The following METTL15 variants were observed in gnomAD, a reference collection of about 807,000 sequenced individuals.
METTL15 encodes methyltransferase 15, mitochondrial 12S rRNA N4-cytidine.
Under a neutral mutation model 38.3 loss-of-function variants are expected in METTL15, and 34 were observed. That is an observed-to-expected ratio of 0.89 (90% CI 0.68 to 1.18). The LOEUF (loss-of-function observed/expected upper bound fraction) is 1.18. Among genes scored for constraint, METTL15 ranks in the 50% most tolerant of loss-of-function variants. The pLI, the probability that METTL15 is intolerant of heterozygous loss-of-function variation, is 0.00. For synonymous variants in METTL15, 162 were observed against 170.9 expected, an observed-to-expected ratio of 0.95 and a Z score of 0.41; for missense variants, 438 against 498.4, an observed-to-expected ratio of 0.88 and a Z score of 1.15.
intron 5 of METTL15, among the ~76,000 whole-genome samples, chr11:28,377,773 TC>T (rs1379409108): frequency 6.6e-6 from 1 of 151,326 alleles, no homozygotes; most frequent in African/African-American, 2.4e-5. Context: ...TTCTGTTTTT[TC>T]CCCATCTTTG....
intron 5 of METTL15, among the ~76,000 whole-genome samples, chr11:28,387,728 C>G (rs1850455122): frequency 6.6e-6 from 1 of 152,028 alleles, no homozygotes; most frequent in African/African-American, 2.4e-5. Context: ...CAGAATCAGA[C>G]AAAGATGCTG....
chr11:28,452,901 G>T lies in METTL15; in HGVS notation c.*424+28537G>T, dbSNP rs115280699. The stretch of plus-strand genomic sequence containing the variant: ...GTAGTGGAGCCTTTTGGTGAATGTT[G>T]ATGTGAAACACAAATGTTATACTTG... On this transcript the variant is annotated intron_variant and NMD_transcript_variant, in intron 6 of 7. Transcript: ENST00000532947. 5.7e-3 allele frequency among the ~76,000 whole-genome samples: 874 copies of T among 152,254 alleles called. 4 individuals are homozygous for T. Among genetic ancestry groups the T allele is most frequent in the African/African-American group, 0.02 (839 of 41,544 alleles).
chr11:28,288,131 C>T (rs373267813), intron 4 of METTL15, among the ~76,000 whole-genome samples: 108 of 152,214 alleles, frequency 7.1e-4, no homozygotes, highest in African/African-American at 2.3e-3. Flanking sequence ...CTCACACCAT[C>T]CAGAATGGCT....
chr11:28,362,596 T>C (rs1850149397), intron 5 of METTL15, among the ~76,000 whole-genome samples: 1 of 152,250 alleles, frequency 6.6e-6, no homozygotes. Flanking sequence ...TATTTGGCTC[T>C]GTGTTTTTGC....
At chr11:28,428,320 G>A (rs943001234) in intron 6 of METTL15, among the ~76,000 whole-genome samples, 6 of 152,120 alleles carry the variant, frequency 3.9e-5, no homozygotes, top group Admixed American at 3.3e-4. Flanking sequence ...CATAGAAAAG[G>A]TACAGTAAAA....
chr11:28,521,625 C>A (rs574054322), intron 6 of METTL15, among the ~76,000 whole-genome samples: 1 of 152,074 alleles, frequency 6.6e-6, no homozygotes, highest in Non-Finnish European at 1.5e-5. Context: ...TAAACTCCAG[C>A]GCTGACCTTG....
chr11:28,204,581 T>G (rs1852244169), intron 3 of METTL15, among the ~76,000 whole-genome samples: 1 of 151,740 alleles, frequency 6.6e-6, no homozygotes, highest in Non-Finnish European at 1.5e-5. Flanking sequence ...CTTCATGACT[T>G]AATAAGACAC....
intron 4 of METTL15, among the ~76,000 whole-genome samples, chr11:28,285,023 C>T (rs1856198431): frequency 6.6e-6 from 1 of 152,112 alleles, no homozygotes; most frequent in African/African-American, 2.4e-5. Flanking sequence ...AGTGAGTGAG[C>T]TCTCACAAGA....
At chr11:28,349,299 C>A (rs1457310093) in intron 3 of METTL15, among the ~76,000 whole-genome samples, 3 of 152,304 alleles carry the variant, frequency 2.0e-5, no homozygotes, top group Middle Eastern at 6.8e-3. Context: ...GCCACCACAC[C>A]CCTTGCAGGT....
At chr11:28,321,208 A>T (rs1849455329) in intron 6 of METTL15, among the ~76,000 whole-genome samples, 1 of 152,222 alleles carries the variant, frequency 6.6e-6, no homozygotes, top group South Asian at 2.1e-4. Context: ...AGTATGCACT[A>T]AATGCTTCTG....
At chr11:28,194,262 G>A (rs1360544382) in intron 3 of METTL15, among the ~76,000 whole-genome samples, 2 of 149,850 alleles carry the variant, frequency 1.3e-5, no homozygotes, top group African/African-American at 2.5e-5. Context: ...GCAATGGTGC[G>A]ATCTCAGCTC....
chr11:28,156,522 C>T (rs2133731755), intron 3 of METTL15, among the ~76,000 whole-genome samples: 1 of 152,168 alleles, frequency 6.6e-6, no homozygotes, highest in South Asian at 2.1e-4. Context: ...AATATATTTG[C>T]CCATAAACAT....
chr11:28,233,339 A>G (rs1036053125), intron 4 of METTL15, among the ~76,000 whole-genome samples: 1 of 152,138 alleles, frequency 6.6e-6, no homozygotes, highest in Admixed American at 6.6e-5. Context: ...AAGACAGAAT[A>G]TGAAAATACA....
rs1483713551 is a variant in METTL15, at chr11:28,332,453, A to G, written c.*1612A>G. 1 of 151,922 alleles carries G rather than the reference A, an allele frequency of 6.6e-6. No homozygotes were observed. The highest frequency in any genetic ancestry group is 1.5e-5 in the Non-Finnish European group (1 of 68,010). 9.4% of individuals were successfully genotyped at this position (151,922 alleles called of 1,614,324 possible). A position where few individuals can be genotyped will look rare whatever the true frequency, so the allele number is the denominator to read the frequency against. ...CACCTATTTCATAAGTCATTTTTTCACCCTGTATAGTATGGGAATTATTTT... is the reference window on the plus strand; with the variant it reads ...CACCTATTTCATAAGTCATTTTTTCGCCCTGTATAGTATGGGAATTATTTT... On this transcript the variant is annotated 3_prime_UTR_variant, in exon 7 of 7. Transcript: ENST00000407364.
chr11:28,211,248 G>A, intron 4 of METTL15, 50 bp downstream of exon 4: 1 of 1,556,324 alleles, frequency 6.4e-7, no homozygotes, highest in Admixed American at 1.9e-5. Context: ...TAGTTTTACA[G>A]AGCTTGGTTT....
intron 4 of METTL15, among the ~76,000 whole-genome samples, chr11:28,233,131 T>G (rs1489984528): frequency 6.6e-6 from 1 of 152,076 alleles, no homozygotes; most frequent in Non-Finnish European, 1.5e-5. Flanking sequence ...TTGAGTGGCT[T>G]AAAATGTACA....
In METTL15 at chr11:28,170,584, A is replaced by G. The variant is rs193271542; in HGVS notation, c.271-40478A>G. Among the ~76,000 whole-genome samples the G allele has an allele frequency of 1.2e-4, 18 of 152,272 alleles. No individual in the cohort carries two copies. In the South Asian group the frequency reaches 3.5e-3, roughly 30 times the overall value. Reference sequence around the variant, plus strand: ...ACGCTAAACTAGGGGTGTATTATGCATGAGTTTTCTGGGAAAGAGGTGGGC... The same window carrying G: ...ACGCTAAACTAGGGGTGTATTATGCGTGAGTTTTCTGGGAAAGAGGTGGGC... On this transcript the variant is annotated intron_variant, in intron 3 of 6. Coordinates refer to ENST00000407364, the MANE Select transcript of METTL15 (RefSeq NM_001113528.2).
rs554264683 is a variant in METTL15, at chr11:28,471,108, G to A, written c.*424+46744G>A. Among the ~76,000 whole-genome samples, 8 of 152,122 alleles carry A rather than the reference G, an allele frequency of 5.3e-5. No homozygotes were observed. The South Asian group carries it at 1.7e-3, about 32-fold the overall frequency. ...CTAGAGCCATCAGAAGACCCAACAA[G>A]GCTGGACATCCTAGTTGGGTCTTTT... On this transcript the variant is annotated intron_variant and NMD_transcript_variant, in intron 6 of 7. Transcript: ENST00000532947.
At chr11:28,145,776 CATATTA>C (rs1229044155) in intron 3 of METTL15, 1 of 151,856 alleles carries the variant, frequency 6.6e-6, no homozygotes, top group African/African-American at 2.4e-5. Context: ...TGTTCTTTTT[CATATTA>C]ATGTTTTGTA....
Sources: allele counts gnomAD v4.1 joint callset (sites outside exome capture counted in the v4.1 genomes callset), GRCh38; gene constraint gnomAD v4.1.1; transcripts MANE v1.5; gene names NCBI Gene and HGNC (gene_info 2026-07-23, HGNC 2026-07-21).